The following DENND1C variants were observed in gnomAD, a reference collection of about 807,000 sequenced individuals.
DENND1C encodes DENN domain-containing protein 1C.
DENND1C carries 64 observed loss-of-function variants against 87.9 expected under a neutral mutation model. The ratio of observed to expected loss-of-function variants is 0.73; its 90% CI spans 0.60 to 0.90. DENND1C has a LOEUF of 0.90. DENND1C is among the 40% of genes least tolerant of loss of function. DENND1C has a pLI of 0.00. For missense variants in DENND1C, 980 were observed against 1,037.0 expected, an observed-to-expected ratio of 0.95 and a Z score of 0.76; for synonymous variants, 384 against 424.4, an observed-to-expected ratio of 0.90 and a Z score of 1.17.
At position 6,468,837 on chromosome 19, in the gene DENND1C, C is replaced by G; in HGVS notation, c.1515+9G>C. ...CCAGGTGTGTGCATGGGGGGAGGGG[C>G]GCTCTCACCTTTCCAAAGTGCTGAG... On this transcript the variant is annotated intron_variant, in intron 20 of 22. Transcript: ENST00000381480. The G allele has an allele frequency of 2.0e-6, 3 of 1,500,470 alleles. No homozygotes were observed. The South Asian group carries it at 4.2e-5, about 21-fold the overall frequency. The allele number at this position is 1,500,470 out of a possible 1,614,324, so 92.9% of individuals were successfully genotyped here. A position where few individuals can be genotyped will look rare whatever the true frequency, so the allele number is the denominator to read the frequency against.
rs1433226449 is a variant in DENND1C at position 6,480,017 on chromosome 19, CG to C, written c.51del (p.Phe17LeufsTer95). 6.2e-7 allele frequency: 1 copy of C among 1,607,286 alleles called. No individual in the cohort carries two copies. Among genetic ancestry groups the C allele is most frequent in the Non-Finnish European group, 8.5e-7 (1 of 1,177,026 alleles). On this transcript the variant is annotated frameshift_variant, in exon 2 of 23. Transcript: ENST00000381480. LOFTEE classifies it high-confidence loss of function. ...TGCAGGGAGGCAGGGCAGGCCGCTT[CG>C]AAGAACCAATCAAACACAGCAGGGG... ...GGSPAVFDWF[F>X]EAACPASLQE...
chr19:6,479,768 AC>A, intron 3 of DENND1C, 50 bp from the exon 4 acceptor site: 2 of 1,613,638 alleles, frequency 1.2e-6, no homozygotes, highest in Non-Finnish European at 1.7e-6. Context: ...GTCGGGCACC[AC>A]CTCCCTGGGC....
intron 17 of DENND1C, 63 bp from the exon 18 acceptor site, chr19:6,470,429 T>G (rs1599378781): frequency 6.6e-7 from 1 of 1,515,256 alleles, no homozygotes. Context: ...CCATCCCAGG[T>G]TGTGTGATGC....
Position 6,475,599 on chromosome 19 carries a change from G to C in DENND1C, c.826-14C>G, listed in dbSNP as rs759351233. The C allele has an allele frequency of 6.2e-7, 1 of 1,613,998 alleles. No homozygotes were observed. The highest frequency in any genetic ancestry group is 8.5e-7 in the Non-Finnish European group (1 of 1,179,858). On this transcript the variant is annotated splice_polypyrimidine_tract_variant and intron_variant, in intron 12 of 22. Transcript: ENST00000381480. Reference sequence around the variant, plus strand: ...TTCTCGTACTCTCTGCGGAAAAGCGGGGTCGGCCGCTCAGAGCCCGGGAGT... The same window carrying C: ...TTCTCGTACTCTCTGCGGAAAAGCGCGGTCGGCCGCTCAGAGCCCGGGAGT...
chr19:6,481,605 A>G (rs1913571189), intron 1 of DENND1C, 74 bp downstream of exon 1: 1 of 1,600,926 alleles, frequency 6.2e-7, no homozygotes, highest in Non-Finnish European at 8.5e-7. Flanking sequence ...CTCCAGCCCC[A>G]GCTCCCCTCT....
At chr19:6,477,649 A>C in intron 6 of DENND1C, 191 bp from the exon 7 acceptor site, 3 of 161,498 alleles carry the variant, frequency 1.9e-5, no homozygotes, top group East Asian at 9.8e-5. Flanking sequence ...AAGTCTCCCT[A>C]TGTTGCCCAG....
At chr19:6,470,586 T>G (rs61045882) in intron 17 of DENND1C, among the ~76,000 whole-genome samples, 1,609 of 151,810 alleles carry the variant, frequency 0.011, 31 homozygotes, top group African/African-American at 0.037. Context: ...TTTTGTTTTT[T>G]TTGAGATGGA....
rs756820501 is a variant in DENND1C, at chr19:6,475,505, C to A, written c.906G>T (p.Val302=). The change falls in exon 13 of 23, where the codon GTG becomes GTT. Residue 302 remains valine, a synonymous_variant. Coordinates refer to ENST00000381480, the MANE Select transcript of DENND1C (RefSeq NM_024898.4). ...TGACCACGTCTGGAGGCAGCGCCTG[C>A]ACGTCGTTAAAGGTCGTCTCCAAGG... ...ANTLETTFND[V]QALPPDVVSL... 1.2e-6 allele frequency: 2 copies of A among 1,613,942 alleles called. No homozygotes were observed. Among genetic ancestry groups the A allele is most frequent in the South Asian group, 2.2e-5 (2 of 91,078 alleles).
At position 6,467,583 on chromosome 19, in the gene DENND1C, G is replaced by A. The variant is rs1454902711; in HGVS notation, c.2327C>T (p.Thr776Ile). Residue 776 changes from threonine to isoleucine, a missense_variant, in exon 23 of 23, where the codon ACA becomes ATA. Transcript: ENST00000381480. ...GGACTTTTGACAGTTGCTGGTGGGT[G>A]TAGCAGGGGAATTCAGGGCTCCTGG... ...EEPGALNSPA[T>I]PTSNCQKSQP... 2.5e-6 allele frequency: 4 copies of A among 1,601,382 alleles called. No homozygotes were observed. The highest frequency in any genetic ancestry group is 3.4e-6 in the Non-Finnish European group (4 of 1,175,618).
chr19:6,477,640 A>C, intron 6 of DENND1C, 182 bp from the exon 7 acceptor site: 1 of 113,530 alleles, frequency 8.8e-6, no homozygotes, highest in Non-Finnish European at 1.8e-5. Flanking sequence ...ATAGAGACAA[A>C]GTCTCCCTAT....
intron 18 of DENND1C, chr19:6,469,848 C>G: frequency 1.7e-6 from 1 of 578,960 alleles, no homozygotes; most frequent in Non-Finnish European, 3.1e-6. Flanking sequence ...GGCAGTCATC[C>G]CCAAAGAAAA....
Position 6,479,912 on chromosome 19 carries a change from A to T in DENND1C, c.83-10T>A, listed in dbSNP as rs1426306642. 1 of 1,600,572 alleles carries T rather than the reference A, an allele frequency of 6.2e-7. No homozygotes were observed. The highest frequency in any genetic ancestry group is 8.5e-7 in the Non-Finnish European group (1 of 1,173,910). ...CGCAGGATGGGGGGATCTGTAGAAG[A>T]GAGCACGCCTCTAAGTTCAGCGACC... On this transcript the variant is annotated splice_polypyrimidine_tract_variant and intron_variant, in intron 2 of 22. Transcript: ENST00000381480.
At position 6,472,876 on chromosome 19, in the gene DENND1C, G is replaced by C; in HGVS notation, c.1158+13C>G. On this transcript the variant is annotated intron_variant, in intron 15 of 22. Coordinates refer to ENST00000381480, the MANE Select transcript of DENND1C (RefSeq NM_024898.4). ...CCTCCAGTCCCAGCTGGACCCTCAG[G>C]GCTCTGGCATACCTGTTTGAACAGC... 6.6e-7 allele frequency: 1 copy of C among 1,508,740 alleles called. No individual in the cohort carries two copies. Among genetic ancestry groups the C allele is most frequent in the Non-Finnish European group, 8.9e-7 (1 of 1,129,908 alleles). 93.5% of individuals were successfully genotyped at this position (1,508,740 alleles called of 1,614,324 possible).
At chr19:6,479,934 G>A (rs374238016) in intron 2 of DENND1C, 32 bp from the exon 3 acceptor site, 8 of 1,595,032 alleles carry the variant, frequency 5.0e-6, no homozygotes, top group South Asian at 4.5e-5. Context: ...TAAGTTCAGC[G>A]ACCCAGGCCC....
In DENND1C at chr19:6,479,992, T is replaced by C; in HGVS notation, c.77A>G (p.Gln26Arg). 1 of 1,419,880 alleles carries C rather than the reference T, an allele frequency of 7.0e-7. No homozygotes were observed. Among genetic ancestry groups the C allele is most frequent in the Non-Finnish European group, 9.4e-7 (1 of 1,058,598 alleles). 88.0% of individuals were successfully genotyped at this position (1,419,880 alleles called of 1,614,324 possible). ...FFEAACPASL[Q>R]EDPPILRQFP... ...CTCCCAGGCTCCCAACTCACCCTCC[T>C]GCAGGGAGGCAGGGCAGGCCGCTTC... The change falls in exon 2 of 23, where the codon CAG becomes CGG. Residue 26 changes from glutamine to arginine, a missense_variant. By Grantham distance (43) the Gln-to-Arg change is conservative. Transcript: ENST00000381480.
intron 14 of DENND1C, among the ~76,000 whole-genome samples, chr19:6,473,517 C>G (rs2092841855): frequency 6.8e-6 from 1 of 146,672 alleles, no homozygotes; most frequent in South Asian, 2.2e-4. Context: ...GTCACCCGTG[C>G]TGGAGTGCAG....
At chr19:6,473,804 C>CGGGGG (rs1040481910) in intron 14 of DENND1C, among the ~76,000 whole-genome samples, 1 of 6,730 alleles carries the variant, frequency 1.5e-4, no homozygotes, top group African/African-American at 3.9e-4. Flanking sequence ...GGGGTGTGGG[C>CGGGGG]GGGGGGGTGG....
At chr19:6,475,437 G>T in intron 13 of DENND1C, 38 bp from the exon 14 acceptor site, 1 of 1,613,156 alleles carries the variant, frequency 6.2e-7, no homozygotes, top group Non-Finnish European at 8.5e-7. Context: ...GGGCAGGTGT[G>T]GGCCCCTCGC....
intron 16 of DENND1C, 21 bp downstream of exon 16, chr19:6,471,385 G>C: frequency 6.3e-7 from 1 of 1,583,732 alleles, no homozygotes; most frequent in Non-Finnish European, 8.6e-7. Context: ...GGGGGACCCA[G>C]GGGCTGGACT....
Sources: gnomAD v4.1 joint callset for allele counts (sites outside exome capture counted in the v4.1 genomes callset) on GRCh38, gnomAD v4.1.1 for gene constraint, MANE v1.5 for transcripts, NCBI Gene and HGNC (gene_info 2026-07-23, HGNC 2026-07-21) for gene names.